SORCS1: variants seen among roughly 807,000 people sequenced by gnomAD.
SORCS1 encodes the protein sortilin related VPS10 domain containing receptor 1.
SORCS1 carries 60 observed loss-of-function variants against 146.1 expected under a neutral mutation model. The ratio of observed to expected loss-of-function variants is 0.41; its 90% CI spans 0.33 to 0.51. SORCS1 has a LOEUF of 0.51. SORCS1 is among the 20% of genes least tolerant of loss of function. SORCS1 has a pLI of 0.21. For missense variants in SORCS1, 1,352 were observed against 1,487.6 expected, an observed-to-expected ratio of 0.91 and a Z score of 1.50; for synonymous variants, 637 against 584.0, an observed-to-expected ratio of 1.09 and a Z score of -1.31.
chr10:106,809,196 T>C (rs974452466), intron 3 of SORCS1, among the ~76,000 whole-genome samples: 5 of 151,422 alleles, frequency 3.3e-5, no homozygotes, highest in African/African-American at 9.7e-5. Context: ...GAATGGGGAG[T>C]AATAGGTATA....
chr10:106,946,909 T>G (rs1954374402), intron 2 of SORCS1, among the ~76,000 whole-genome samples: 1 of 152,158 alleles, frequency 6.6e-6, no homozygotes, highest in African/African-American at 2.4e-5. Context: ...ACAAAATAAA[T>G]ATACATCTGA....
chr10:106,889,888 T>TTAAA lies in SORCS1; in HGVS notation c.627-60216_627-60215insTTTA, dbSNP rs1554875507. ...TGACAGAGTGAGACTACGTCTCAAA[T>TTAAA]AAAAAAAAAAAAAAAAAAAAAAAGC... On this transcript the variant is annotated intron_variant, in intron 2 of 25. Coordinates refer to ENST00000263054, the MANE Select transcript of SORCS1 (RefSeq NM_052918.5). Among the ~76,000 whole-genome samples, 22 of 71,670 alleles carry TTAAA rather than the reference T, an allele frequency of 3.1e-4. 1 individual carries two copies. The East Asian group carries it at 3.4e-3, about 11-fold the overall frequency. 47.0% of individuals were successfully genotyped at this position (71,670 alleles called of 152,430 possible).
chr10:107,074,043 C>T (rs765545309), intron 1 of SORCS1, among the ~76,000 whole-genome samples: 2 of 150,462 alleles, frequency 1.3e-5, no homozygotes, highest in Non-Finnish European at 2.9e-5. Flanking sequence ...ATTGACACAT[C>T]GTCATCACCC....
chr10:106,882,092 T>A (rs74152253), intron 2 of SORCS1, among the ~76,000 whole-genome samples: 6,517 of 152,216 alleles, frequency 0.043, 363 homozygotes, highest in African/African-American at 0.12. Flanking sequence ...TCACCCAAGA[T>A]ACCTGGAGAA....
At chr10:106,740,691 A>T (rs1157304056) in intron 5 of SORCS1, among the ~76,000 whole-genome samples, 1 of 152,202 alleles carries the variant, frequency 6.6e-6, no homozygotes, top group East Asian at 1.9e-4. Context: ...TGTGAGATTG[A>T]TGTCATATAG....
intron 6 of SORCS1, among the ~76,000 whole-genome samples, chr10:106,724,505 GA>G (rs1164388015): frequency 1.5e-5 from 2 of 137,594 alleles, no homozygotes; most frequent in Non-Finnish European, 3.2e-5. Flanking sequence ...TCCATCTCAA[GA>G]AAAAAAAACA....
chr10:107,020,608 T>C (rs567198554), intron 1 of SORCS1, among the ~76,000 whole-genome samples: 11 of 152,334 alleles, frequency 7.2e-5, no homozygotes, highest in African/African-American at 1.9e-4. Context: ...TGGTGATTTA[T>C]TGTTTGAACC....
Position 106,960,497 on chromosome 10 carries a change from C to A in SORCS1, c.559-3917G>T, listed in dbSNP as rs1955172832. ...TCGGCTCACTGCAACCTCCGCCTCA[C>A]AGGTTCAAGCAATTCTCCTGCCTCA... is the stretch of plus-strand genomic sequence containing the variant. On this transcript the variant is annotated intron_variant, in intron 1 of 25. Transcript: ENST00000263054. The surrounding 1 kb of genome is among the most constrained non-coding windows in gnomAD (Gnocchi z 4.4). 6.6e-6 allele frequency among the ~76,000 whole-genome samples: 1 copy of A among 151,838 alleles called. No homozygotes were observed. The highest frequency in any genetic ancestry group is 6.6e-5 in the Admixed American group (1 of 15,260).
intron 2 of SORCS1, among the ~76,000 whole-genome samples, chr10:106,921,521 A>T (rs1952710446): frequency 6.6e-6 from 1 of 152,222 alleles, no homozygotes. Flanking sequence ...ATTTGATTGA[A>T]GAGCGCAAAT....
At chr10:106,827,664 C>A (rs1948360623) in intron 3 of SORCS1, among the ~76,000 whole-genome samples, 2 of 152,210 alleles carry the variant, frequency 1.3e-5, no homozygotes, top group East Asian at 3.9e-4. Flanking sequence ...GATATAAGTT[C>A]AGTTCCTTAA....
At chr10:106,858,778 A>G (rs1589569776) in intron 2 of SORCS1, among the ~76,000 whole-genome samples, 1 of 152,168 alleles carries the variant, frequency 6.6e-6, no homozygotes, top group African/African-American at 2.4e-5. Flanking sequence ...TCTATTTTGC[A>G]TAAGAAAGGG....
intron 9 of SORCS1, among the ~76,000 whole-genome samples, chr10:106,688,752 G>A (rs932312411): frequency 6.6e-6 from 1 of 152,116 alleles, no homozygotes; most frequent in Non-Finnish European, 1.5e-5. Flanking sequence ...CTTTGGTATC[G>A]TTTATTCTAT....
chr10:106,620,766 A>G (rs1190120464), intron 19 of SORCS1, among the ~76,000 whole-genome samples: 6 of 152,198 alleles, frequency 3.9e-5, no homozygotes, highest in Non-Finnish European at 7.3e-5. Context: ...GCACTTACCA[A>G]TCTTTCTACC....
chr10:106,824,345 A>G (rs1948193913), intron 3 of SORCS1, among the ~76,000 whole-genome samples: 1 of 150,796 alleles, frequency 6.6e-6, no homozygotes. Context: ...TAATCCCAGC[A>G]CTTTGGGAGG....
At chr10:106,985,909 C>G (rs968871256) in intron 1 of SORCS1, among the ~76,000 whole-genome samples, 2 of 151,848 alleles carry the variant, frequency 1.3e-5, no homozygotes, top group African/African-American at 4.8e-5. Context: ...CAGAGTACCC[C>G]TTTCCCCAAG....
At chr10:106,911,865 A>T (rs1003593532) in intron 2 of SORCS1, among the ~76,000 whole-genome samples, 1 of 152,026 alleles carries the variant, frequency 6.6e-6, no homozygotes, top group Non-Finnish European at 1.5e-5. Context: ...GTGATCCCAG[A>T]ACTTTGGGAG....
chr10:107,105,488 G>C (rs1182811388), intron 1 of SORCS1, among the ~76,000 whole-genome samples: 1 of 152,216 alleles, frequency 6.6e-6, no homozygotes, highest in Non-Finnish European at 1.5e-5. Context: ...CAGAAGTCGA[G>C]AAGCCGACAG....
intron 6 of SORCS1, among the ~76,000 whole-genome samples, chr10:106,722,745 A>G (rs2135950472): frequency 6.6e-6 from 1 of 152,352 alleles, no homozygotes; most frequent in African/African-American, 2.4e-5. Context: ...CAGAAGTAAA[A>G]GGGAGAAGCA....
chr10:107,171,576 G>A, the SORCS1 span, among the ~76,000 whole-genome samples: 1 of 134,012 alleles, frequency 7.5e-6, no homozygotes, highest in African/African-American at 2.8e-5. Context: ...GAGTGCATTG[G>A]TGCTATCTTG....
Sources: allele counts gnomAD v4.1 joint callset (sites outside exome capture counted in the v4.1 genomes callset), GRCh38; gene constraint gnomAD v4.1.1; non-coding constraint Gnocchi (gnomAD v3.1); transcripts MANE v1.5; gene names NCBI Gene and HGNC (gene_info 2026-07-23, HGNC 2026-07-21).